The following ANXA10 variants were observed in gnomAD, a reference collection of about 807,000 sequenced individuals.
The protein encoded by ANXA10 is annexin A10.
In ANXA10, 49 loss-of-function variants were observed where a neutral mutation model predicts 53.5. The observed-to-expected ratio is 0.92, with a 90% CI of 0.73 to 1.16. The LOEUF (loss-of-function observed/expected upper bound fraction) is 1.16. ANXA10 is among the 50% of genes most tolerant of loss of function. The pLI is 0.00. For missense variants in ANXA10, 393 were observed against 394.4 expected, an observed-to-expected ratio of 1.00 and a Z score of 0.03; for synonymous variants, 131 against 128.9, an observed-to-expected ratio of 1.02 and a Z score of -0.11.
chr4:168,138,347 T>C (rs1731273690), intron 2 of ANXA10, among the ~76,000 whole-genome samples: 2 of 152,194 alleles, frequency 1.3e-5, no homozygotes, highest in South Asian at 2.1e-4. Context: ...TGATTCATGA[T>C]GTTAAGCATT....
rs1731012379 is a variant in ANXA10, at chr4:168,123,036, A to G, written c.19-5048A>G. Among the ~76,000 whole-genome samples the G allele has an allele frequency of 4.6e-5, 7 of 152,332 alleles. 1 individual carries two copies. In the Middle Eastern group the frequency reaches 0.014, roughly 296 times the overall value. ...AATACACTACTATTAATAAAATTAC[A>G]CTGCACAAAATCTATGGTTTTGAGA... On this transcript the variant is annotated intron_variant, in intron 1 of 11. Coordinates refer to ENST00000359299, the MANE Select transcript of ANXA10 (RefSeq NM_007193.5).
chr4:168,139,578 C>T lies in ANXA10; in HGVS notation c.193C>T (p.Arg65Trp), dbSNP rs138317312. The T allele has an allele frequency of 2.2e-4, 355 of 1,606,816 alleles. No homozygotes were observed. The highest frequency in any genetic ancestry group is 2.7e-4 in the Non-Finnish European group (320 of 1,174,410). The change falls in exon 3 of 12, where the codon CGG (arginine) becomes TGG (tryptophan). Residue 65 changes from arginine (R) to tryptophan (W), a missense_variant and splice_region_variant. Transcript: ENST00000359299. ...IAEAYQSMYGRDLIGDMREQL... is the reference protein window; with the variant it reads ...IAEAYQSMYGWDLIGDMREQL... ...AGAGGCATACCAGAGCATGTATGGC[C>T]GGGTAAGGCCACTTTATCTTGACCT...
intron 10 of ANXA10, among the ~76,000 whole-genome samples, chr4:168,182,318 A>ATTTTTTTTTTTTTTTTTTTTTTTTTTTTT (rs542260478): frequency 8.0e-5 from 4 of 49,754 alleles, no homozygotes; most frequent in East Asian, 5.3e-4. Context: ...TGGAGCATTA[A>ATTTTTTTTTTTTTTTTTTTTTTTTTTTTT]TTTTTTTTTT....
At chr4:168,109,941 T>C (rs1730777154) in intron 1 of ANXA10, among the ~76,000 whole-genome samples, 1 of 152,254 alleles carries the variant, frequency 6.6e-6, no homozygotes, top group Admixed American at 6.5e-5. Context: ...CCGGGCACGG[T>C]GGCTCACGCC....
chr4:168,148,220 T>G (rs1344784475), intron 3 of ANXA10, among the ~76,000 whole-genome samples: 1 of 150,736 alleles, frequency 6.6e-6, no homozygotes, highest in Admixed American at 6.7e-5. Flanking sequence ...TTGCCTGGAG[T>G]GCAGTGGCAT....
intron 11 of ANXA10, among the ~76,000 whole-genome samples, chr4:168,185,633 G>A (rs749031452): frequency 1.1e-4 from 16 of 152,206 alleles, no homozygotes; most frequent in Non-Finnish European, 2.4e-4. Context: ...TGAGAGCCTA[G>A]TGGAAAATAA....
At chr4:168,185,650 T>C (rs1399574645) in intron 11 of ANXA10, among the ~76,000 whole-genome samples, 1 of 152,182 alleles carries the variant, frequency 6.6e-6, no homozygotes, top group Non-Finnish European at 1.5e-5. Flanking sequence ...ATAAAAATGC[T>C]TGGCACTGTG....
intron 3 of ANXA10, among the ~76,000 whole-genome samples, chr4:168,158,888 G>A (rs1019328747): frequency 7.9e-5 from 12 of 152,162 alleles, no homozygotes; most frequent in East Asian, 3.9e-4. Context: ...TCGTGGGAGC[G>A]GATTCCTCAT....
intron 8 of ANXA10, 141 bp downstream of exon 8, chr4:168,178,124 T>C: frequency 1.4e-6 from 1 of 706,520 alleles, no homozygotes; most frequent in Non-Finnish European, 2.3e-6. Context: ...TTGAATTTTG[T>C]TTATAAGATG....
At chr4:168,150,303 A>C (rs1295877568) in intron 3 of ANXA10, among the ~76,000 whole-genome samples, 1 of 152,212 alleles carries the variant, frequency 6.6e-6, no homozygotes, top group African/African-American at 2.4e-5. Context: ...TTGAAAATTA[A>C]ATAATTATGT....
chr4:168,166,239 G>A (rs1445449022), intron 6 of ANXA10, among the ~76,000 whole-genome samples: 2 of 152,128 alleles, frequency 1.3e-5, no homozygotes, highest in African/African-American at 4.8e-5. Context: ...GACTCTAAAT[G>A]CCAGCATATG....
chr4:168,155,127 T>C (rs905222090), intron 3 of ANXA10, among the ~76,000 whole-genome samples: 21 of 151,480 alleles, frequency 1.4e-4, no homozygotes, highest in Non-Finnish European at 1.8e-4. Flanking sequence ...ACATTATTTA[T>C]TGTTGGTATC....
intron 3 of ANXA10, among the ~76,000 whole-genome samples, chr4:168,159,331 T>G (rs1199993709): frequency 6.6e-6 from 1 of 152,232 alleles, no homozygotes; most frequent in Non-Finnish European, 1.5e-5. Flanking sequence ...TCTAGGTTTA[T>G]AAGGGATATC....
At position 168,157,022 on chromosome 4, in the gene ANXA10, A is replaced by G. The variant is rs1731697546; in HGVS notation, c.196-5506A>G. On this transcript the variant is annotated intron_variant, in intron 3 of 11. Transcript: ENST00000359299. ...GTTCATATTTTTTCTAAGGTACACT[A>G]GCGTGGAAAAAATGCTAAAACTACT... 2.0e-5 allele frequency among the ~76,000 whole-genome samples: 3 copies of G among 152,154 alleles called. No homozygotes were observed. The South Asian group carries it at 6.2e-4, about 32-fold the overall frequency.
At chr4:168,160,812 T>C (rs1424520680) in intron 3 of ANXA10, among the ~76,000 whole-genome samples, 1 of 152,198 alleles carries the variant, frequency 6.6e-6, no homozygotes, top group Non-Finnish European at 1.5e-5. Flanking sequence ...TAATAATCAG[T>C]GATGTTAAGC....
At chr4:168,182,885 C>T (rs1305147043) in intron 10 of ANXA10, among the ~76,000 whole-genome samples, 1 of 150,300 alleles carries the variant, frequency 6.7e-6, no homozygotes, top group African/African-American at 2.4e-5. Flanking sequence ...TTGCAGGCAT[C>T]TGTAGTTCCA....
chr4:168,169,077 C>T (rs1241903031), intron 6 of ANXA10, among the ~76,000 whole-genome samples: 2 of 152,052 alleles, frequency 1.3e-5, no homozygotes. Flanking sequence ...CAAACTGAAG[C>T]GTCTGGTAAA....
intron 9 of ANXA10, among the ~76,000 whole-genome samples, chr4:168,180,481 A>G (rs1732219095): frequency 6.6e-6 from 1 of 152,212 alleles, no homozygotes; most frequent in South Asian, 2.1e-4. Flanking sequence ...ATGGCAGAAA[A>G]CATTTCAACT....
chr4:168,126,951 T>A (rs946818167), intron 1 of ANXA10, among the ~76,000 whole-genome samples: 1 of 152,162 alleles, frequency 6.6e-6, no homozygotes, highest in Non-Finnish European at 1.5e-5. Context: ...GATATTAGTA[T>A]ATTTATATTC....
Sources: gnomAD v4.1 joint callset for allele counts (sites outside exome capture counted in the v4.1 genomes callset) on GRCh38, gnomAD v4.1.1 for gene constraint, MANE v1.5 for transcripts, NCBI Gene and HGNC (gene_info 2026-07-23, HGNC 2026-07-21) for gene names.